The following RNF6 variants were observed in gnomAD, a reference collection of about 807,000 sequenced individuals.
RNF6 encodes the protein ring finger protein 6.
Under a neutral mutation model 50.1 loss-of-function variants are expected in RNF6, and 21 were observed. The ratio of observed to expected loss-of-function variants is 0.42; its 90% CI spans 0.30 to 0.60. The LOEUF (loss-of-function observed/expected upper bound fraction) is 0.60. Ranked by LOEUF, RNF6 falls within the 20% of genes least tolerant of loss-of-function variation. The pLI, the probability that RNF6 is intolerant of heterozygous loss-of-function variation, is 0.20. For synonymous variants in RNF6, 255 were observed against 291.8 expected (o/e 0.87, Z 1.29); for missense variants, 698 against 838.2 (o/e 0.83, Z 2.07).
exon 6 of RNF6, chr13:26,132,323 A>G (rs1870431862): frequency 5.0e-6 from 2 of 397,270 alleles, no homozygotes; most frequent in Admixed American, 3.3e-5. Flanking sequence ...AAGATAATAC[A>G]TTTTACCCCT....
rs562707155 is a variant in RNF6 at position 26,195,621 on chromosome 13, A to G, written n.768+19853T>C. Reference sequence around the variant, plus strand: ...TATCATTTTCAAACTACAGAAAATCAAAGACAAATTAAAAATCCTGAAAGA... The same window carrying G: ...TATCATTTTCAAACTACAGAAAATCGAAGACAAATTAAAAATCCTGAAAGA... On this transcript the variant is annotated intron_variant and non_coding_transcript_variant, in intron 5 of 5. Transcript: ENST00000468480. Among the ~76,000 whole-genome samples, 167 of 152,370 alleles carry G rather than the reference A, an allele frequency of 1.1e-3. 1 individual carries two copies. The highest frequency in any genetic ancestry group is 3.5e-3 in the African/African-American group (145 of 41,594).
rs747225802 is a variant in RNF6 at position 26,215,073 on chromosome 13, CT to C, written c.808del (p.Arg270GlyfsTer22). ...TGCTGCTCCAAACCGTTGCCCCTCC[CT>C]TTGCCTGAGTTCACTACCACCTGAT... ...NQSGGSELRQ[R>X]EGQRFGAAHV... On this transcript the variant is annotated frameshift_variant, in exon 5 of 5. Coordinates refer to ENST00000381588, the MANE Select transcript of RNF6 (RefSeq NM_005977.4). LOFTEE classifies it high-confidence loss of function. 1 of 1,614,260 alleles carries C rather than the reference CT, an allele frequency of 6.2e-7. No individual in the cohort carries two copies. Among genetic ancestry groups the C allele is most frequent in the South Asian group, 1.1e-5 (1 of 91,092 alleles).
Position 26,213,900 on chromosome 13 carries a change from C to G in RNF6, c.1982G>C (p.Arg661Pro). The G allele has an allele frequency of 6.2e-7, 1 of 1,614,024 alleles. No homozygotes were observed. Among genetic ancestry groups the G allele is most frequent in the Non-Finnish European group, 8.5e-7 (1 of 1,179,966 alleles). ...MHEFHIHCID[R>P]WLSENCTCPI... Reference sequence around the variant, plus strand: ...ACAAGTGCAATTCTCTGAGAGCCATCGGTCAATACAATGAATGTGAAATTC... The same window carrying G: ...ACAAGTGCAATTCTCTGAGAGCCATGGGTCAATACAATGAATGTGAAATTC... The change falls in exon 5 of 5, where the codon CGA becomes CCA. Residue 661 changes from arginine to proline, a missense_variant. Transcript: ENST00000381588.
intron 5 of RNF6, among the ~76,000 whole-genome samples, chr13:26,187,046 A>G (rs371804898): frequency 2.6e-5 from 4 of 151,448 alleles, no homozygotes; most frequent in Admixed American, 6.6e-5. Context: ...CAAAGTGCTG[A>G]GATTACAGGC....
intron 3 of RNF6, among the ~76,000 whole-genome samples, chr13:26,219,033 C>T (rs1870195207): frequency 6.6e-6 from 1 of 152,016 alleles, no homozygotes; most frequent in South Asian, 2.1e-4. Context: ...TACAAATTTC[C>T]ATTAGTTCAT....
At chr13:26,212,603 T>C (rs549655481), downstream of RNF6, among the ~76,000 whole-genome samples, 113 of 151,078 alleles carry the variant, frequency 7.5e-4, no homozygotes, top group African/African-American at 2.6e-3. Context: ...ACTTTATCAA[T>C]TGATATTCAG....
rs1217219206 is a variant in RNF6, at chr13:26,218,687, G to A, written c.194-81C>T. ...TCATGAAGGGTAAGACTAATCTTTA[G>A]TAACCTATAGAAGACAAATGTCTTA... On this transcript the variant is annotated intron_variant, in intron 3 of 4. Transcript: ENST00000381588. The A allele has an allele frequency of 3.9e-6, 4 of 1,034,456 alleles. No individual in the cohort carries two copies. The East Asian group carries it at 7.1e-5, about 18-fold the overall frequency. The allele number at this position is 1,034,456 out of a possible 1,614,324, so 64.1% of individuals were successfully genotyped here.
intron 5 of RNF6, among the ~76,000 whole-genome samples, chr13:26,161,348 C>A (rs1390044818): frequency 6.6e-6 from 1 of 152,054 alleles, no homozygotes; most frequent in Non-Finnish European, 1.5e-5. Context: ...TGTTAAAATT[C>A]CCATAATAAA....
chr13:26,191,226 A>G (rs4770952), intron 5 of RNF6, among the ~76,000 whole-genome samples: 72,323 of 151,426 alleles, frequency 0.48, 20,726 homozygotes, highest in East Asian at 0.69. Context: ...GCTAAGGGAC[A>G]TTCTTATCTC....
At chr13:26,164,693 G>T (rs1174720133) in intron 5 of RNF6, among the ~76,000 whole-genome samples, 2 of 151,910 alleles carry the variant, frequency 1.3e-5, no homozygotes, top group East Asian at 1.9e-4. Flanking sequence ...ATCTGGTTCT[G>T]CTTGCTTTTC....
At position 26,213,055 on chromosome 13, in the gene RNF6, A is replaced by G. The variant is rs912102506; in HGVS notation, c.*769T>C. 1.3e-5 allele frequency: 2 copies of G among 152,618 alleles called. No homozygotes were observed. The highest frequency in any genetic ancestry group is 4.8e-5 in the African/African-American group (2 of 41,450). 9.5% of individuals were successfully genotyped at this position (152,618 alleles called of 1,614,324 possible). On this transcript the variant is annotated 3_prime_UTR_variant, in exon 5 of 5. Coordinates refer to ENST00000381588, the MANE Select transcript of RNF6 (RefSeq NM_005977.4). ...AGGCTGAACACAAGTTAAATAACCT[A>G]TATGATGTAAATTTTCCATTTCTGA...
In RNF6 at chr13:26,215,314, T is replaced by C. The variant is rs149013479; in HGVS notation, c.568A>G (p.Thr190Ala). The change falls in exon 5 of 5, where the codon ACT becomes GCT. Residue 190 changes from threonine to alanine, a missense_variant. Transcript: ENST00000381588. ...CTTGTTCGCCTAGCCACAGGACTAGTTGACCTTTGTTGCCTATTTGCAGTA... is the reference window on the plus strand; with the variant it reads ...CTTGTTCGCCTAGCCACAGGACTAGCTGACCTTTGTTGCCTATTTGCAGTA... ...DHTANRQQRS[T>A]SPVARRTRSQ... The C allele has an allele frequency of 1.1e-3, 1,831 of 1,614,256 alleles. 7 individuals are homozygous for C. Among genetic ancestry groups the C allele is most frequent in the Non-Finnish European group, 1.4e-3 (1,651 of 1,180,046 alleles).
chr13:26,173,741 A>AG, intron 5 of RNF6, among the ~76,000 whole-genome samples: 1 of 152,168 alleles, frequency 6.6e-6, no homozygotes, highest in Non-Finnish European at 1.5e-5. Context: ...TCACAAGGTC[A>AG]GGAGATCGAG....
Position 26,219,636 on chromosome 13 carries a change from C to A in RNF6, c.14G>T (p.Arg5Ile). Residue 5 changes from arginine to isoleucine, a missense_variant, in exon 3 of 5, where the codon AGA (arginine) becomes ATA (isoleucine). Physicochemically the swap from Arg to Ile is moderately conservative, Grantham distance 97 (BLOSUM62 -3). Coordinates refer to ENST00000381588, the MANE Select transcript of RNF6 (RefSeq NM_005977.4). ...TTCACTGCCACCATCTGATCTCGATCTAGACTGATTCATCCTGAGATTCCT... is the reference window on the plus strand; with the variant it reads ...TTCACTGCCACCATCTGATCTCGATATAGACTGATTCATCCTGAGATTCCT... The part of the protein sequence containing the change: MNQS[R>I]SRSDGGSEET... 6.2e-7 allele frequency: 1 copy of A among 1,613,252 alleles called. No individual in the cohort carries two copies. Among genetic ancestry groups the A allele is most frequent in the Non-Finnish European group, 8.5e-7 (1 of 1,179,864 alleles).
downstream of RNF6, among the ~76,000 whole-genome samples, chr13:26,212,537 A>C (rs1033631369): frequency 4.6e-5 from 7 of 152,128 alleles, no homozygotes; most frequent in African/African-American, 9.7e-5. Context: ...CAGTATCACC[A>C]CAAGAAAATC....
chr13:26,168,788 G>T (rs920382382), intron 5 of RNF6, among the ~76,000 whole-genome samples: 5 of 152,212 alleles, frequency 3.3e-5, no homozygotes. Flanking sequence ...GAGGCAGGAG[G>T]ATTGCTCGAT....
intron 5 of RNF6, among the ~76,000 whole-genome samples, chr13:26,169,492 G>A (rs1181351093): frequency 1.3e-5 from 2 of 152,102 alleles, no homozygotes; most frequent in Non-Finnish European, 2.9e-5. Context: ...CAGACTACAG[G>A]CCCCTGACCT....
At chr13:26,178,285 C>T (rs1369344312) in intron 5 of RNF6, among the ~76,000 whole-genome samples, 1 of 152,168 alleles carries the variant, frequency 6.6e-6, no homozygotes, top group Non-Finnish European at 1.5e-5. Flanking sequence ...CCATCAAGAT[C>T]CCAGCAGTCA....
chr13:26,150,179 G>A (rs904546177), intron 5 of RNF6, among the ~76,000 whole-genome samples: 1 of 151,630 alleles, frequency 6.6e-6, no homozygotes, highest in East Asian at 1.9e-4. Flanking sequence ...ACCATATTTT[G>A]TTAAACGCAC....
Sources: gnomAD v4.1 joint callset for allele counts (sites outside exome capture counted in the v4.1 genomes callset) on GRCh38, gnomAD v4.1.1 for gene constraint, MANE v1.5 for transcripts, NCBI Gene and HGNC (gene_info 2026-07-23, HGNC 2026-07-21) for gene names.